RPL37: variants seen among roughly 807,000 people sequenced by gnomAD.
RPL37 encodes large ribosomal subunit protein eL37.
In RPL37, 1 loss-of-function variant was observed where a neutral mutation model predicts 14.8. That is an observed-to-expected ratio of 0.07 (90% CI 0.02 to 0.32). RPL37 has a LOEUF of 0.32. Ranked by LOEUF, RPL37 falls within the 10% of genes least tolerant of loss-of-function variation. RPL37 has a pLI of 1.00. For synonymous variants in RPL37, 53 were observed against 45.8 expected, an observed-to-expected ratio of 1.16 and a Z score of -0.63; for missense variants, 100 against 128.3, an observed-to-expected ratio of 0.78 and a Z score of 1.06.
At position 40,834,108 on chromosome 5, in the gene RPL37, T is replaced by C. The variant is rs750346428; in HGVS notation, c.224+73A>G. On this transcript the variant is annotated intron_variant, in intron 3 of 3. Transcript: ENST00000274242. ...CCCAGTAACCATCAGGGTACTGTTATCTTTTTACAAGTAAACACGAGGGTT... is the reference window on the plus strand; with the variant it reads ...CCCAGTAACCATCAGGGTACTGTTACCTTTTTACAAGTAAACACGAGGGTT... The C allele has an allele frequency of 2.7e-5, 28 of 1,054,070 alleles. No homozygotes were observed. The South Asian group carries it at 3.3e-4, about 12-fold the overall frequency. The allele number at this position is 1,054,070 out of a possible 1,614,324, so 65.3% of individuals were successfully genotyped here.
rs1342659152 is a variant in RPL37 at position 40,828,277 on chromosome 5, TAC to T, written c.*4225_*4226del. ...TATTACGCTCGTGGTATCCTTGTCT[TAC>T]ACACTTATCACTATCTGCAATTGTC... On this transcript the variant is annotated 3_prime_UTR_variant, in exon 4 of 4. Transcript: ENST00000274242. 4 of 152,248 alleles carry T rather than the reference TAC, an allele frequency of 2.6e-5. No homozygotes were observed. In the East Asian group the frequency reaches 5.8e-4, roughly 22 times the overall value. The allele number at this position is 152,248 out of a possible 1,614,324, so 9.4% of individuals were successfully genotyped here.
Position 40,829,883 on chromosome 5 carries a change from C to G in RPL37, c.*2621G>C, listed in dbSNP as rs965616644. On this transcript the variant is annotated 3_prime_UTR_variant, in exon 4 of 4. Coordinates refer to ENST00000274242, the MANE Select transcript of RPL37 (RefSeq NM_000997.5). Reference sequence around the variant, plus strand: ...AGAGACGGGGTTTCTCCATGTTGGTCAGGCTGGTCTCGAACTCCCCACCTC... The same window carrying G: ...AGAGACGGGGTTTCTCCATGTTGGTGAGGCTGGTCTCGAACTCCCCACCTC... 2 of 152,112 alleles carry G rather than the reference C, an allele frequency of 1.3e-5. No individual in the cohort carries two copies. The highest frequency in any genetic ancestry group is 4.8e-5 in the African/African-American group (2 of 41,380). The allele number at this position is 152,112 out of a possible 1,614,324, so 9.4% of individuals were successfully genotyped here.
Position 40,826,310 on chromosome 5 carries a change from T to C in RPL37, c.*6194A>G, listed in dbSNP as rs1240817783. 2.6e-5 allele frequency: 4 copies of C among 152,156 alleles called. No individual in the cohort carries two copies. The highest frequency in any genetic ancestry group is 5.9e-5 in the Non-Finnish European group (4 of 68,020). 9.4% of individuals were successfully genotyped at this position (152,156 alleles called of 1,614,324 possible). Reference sequence around the variant, plus strand: ...ACACACACACAACCCAAAGAAAACATATCCAAGAACGTGGTCAGTTTTCAG... The same window carrying C: ...ACACACACACAACCCAAAGAAAACACATCCAAGAACGTGGTCAGTTTTCAG... On this transcript the variant is annotated 3_prime_UTR_variant, in exon 4 of 4. Transcript: ENST00000274242.
chr5:40,831,018 G>A lies in RPL37; in HGVS notation c.*1486C>T, dbSNP rs1227880770. On this transcript the variant is annotated 3_prime_UTR_variant, in exon 4 of 4. Transcript: ENST00000274242. ...TCCTAGCACTTTGGGAGGCCGAGGC[G>A]GCGGATCACGAGGTCGAGTTCGAGA... The A allele has an allele frequency of 3.9e-5, 6 of 151,902 alleles. No individual in the cohort carries two copies. Among genetic ancestry groups the A allele is most frequent in the African/African-American group, 7.2e-5 (3 of 41,380 alleles). 9.4% of individuals were successfully genotyped at this position (151,902 alleles called of 1,614,324 possible).
In RPL37 at chr5:40,830,799, G is replaced by A. The variant is rs1023364219; in HGVS notation, c.*1705C>T. ...CGTGAGCCACCACACCGGCCTCAAG[G>A]GTTGTTTATATGGGGGTCAGGGTAC... On this transcript the variant is annotated 3_prime_UTR_variant, in exon 4 of 4. Coordinates refer to ENST00000274242, the MANE Select transcript of RPL37 (RefSeq NM_000997.5). The A allele has an allele frequency of 9.2e-5, 14 of 151,598 alleles. No homozygotes were observed. Among genetic ancestry groups the A allele is most frequent in the African/African-American group, 2.9e-4 (12 of 41,274 alleles). The allele number at this position is 151,598 out of a possible 1,614,324, so 9.4% of individuals were successfully genotyped here. A position where few individuals can be genotyped will look rare whatever the true frequency, so the allele number is the denominator to read the frequency against.
rs1745626166 is a variant in RPL37 at position 40,830,827 on chromosome 5, T to G, written c.*1677A>C. ...TGTTTATATGGGGGTCAGGGTACCT[T>G]CACTAGACTTAGACTTCTGAAGCCC... On this transcript the variant is annotated 3_prime_UTR_variant, in exon 4 of 4. Coordinates refer to ENST00000274242, the MANE Select transcript of RPL37 (RefSeq NM_000997.5). 6.6e-6 allele frequency: 1 copy of G among 151,914 alleles called. No individual in the cohort carries two copies. Among genetic ancestry groups the G allele is most frequent in the African/African-American group, 2.4e-5 (1 of 41,342 alleles). 9.4% of individuals were successfully genotyped at this position (151,914 alleles called of 1,614,324 possible).
rs769712387 is a variant in RPL37, at chr5:40,834,455, G to T, written c.139+16C>A. 6.2e-7 allele frequency: 1 copy of T among 1,608,836 alleles called. No individual in the cohort carries two copies. ...AAACAAAAGCTAACACAGTTGGCCTGAAAAATGTTACTTACACTTTCTCTT... is the reference window on the plus strand; with the variant it reads ...AAACAAAAGCTAACACAGTTGGCCTTAAAAATGTTACTTACACTTTCTCTT... On this transcript the variant is annotated intron_variant, in intron 2 of 3. Coordinates refer to ENST00000274242, the MANE Select transcript of RPL37 (RefSeq NM_000997.5).
Position 40,827,423 on chromosome 5 carries a change from T to C in RPL37, c.*5081A>G, listed in dbSNP as rs548600051. ...TTAAGATTACCTTCTGACGATTACATAGGACTGCACGTTTTACCTATTGAA... is the reference window on the plus strand; with the variant it reads ...TTAAGATTACCTTCTGACGATTACACAGGACTGCACGTTTTACCTATTGAA... On this transcript the variant is annotated 3_prime_UTR_variant, in exon 4 of 4. Coordinates refer to ENST00000274242, the MANE Select transcript of RPL37 (RefSeq NM_000997.5). The C allele has an allele frequency of 6.6e-6, 1 of 152,304 alleles. No homozygotes were observed. Among genetic ancestry groups the C allele is most frequent in the African/African-American group, 2.4e-5 (1 of 41,568 alleles). 9.4% of individuals were successfully genotyped at this position (152,304 alleles called of 1,614,324 possible). A position where few individuals can be genotyped will look rare whatever the true frequency, so the allele number is the denominator to read the frequency against.
rs1390205593 is a variant in RPL37 at position 40,832,416 on chromosome 5, A to C, written c.*88T>G. The C allele has an allele frequency of 2.7e-6, 3 of 1,100,596 alleles. No individual in the cohort carries two copies. Among genetic ancestry groups the C allele is most frequent in the Non-Finnish European group, 4.2e-6 (3 of 714,238 alleles). 68.2% of individuals were successfully genotyped at this position (1,100,596 alleles called of 1,614,324 possible). A position where few individuals can be genotyped will look rare whatever the true frequency, so the allele number is the denominator to read the frequency against. ...CCTACAGTATTTCACTGATACTACA[A>C]GCCTAATTGATTAAAAATACCTTAC... is the stretch of plus-strand genomic sequence containing the variant. On this transcript the variant is annotated 3_prime_UTR_variant, in exon 4 of 4. Transcript: ENST00000274242.
chr5:40,834,698 G>A lies in RPL37; in HGVS notation c.4-92C>T, dbSNP rs868324268. On this transcript the variant is annotated intron_variant, in intron 1 of 3. Coordinates refer to ENST00000274242, the MANE Select transcript of RPL37 (RefSeq NM_000997.5). The stretch of plus-strand genomic sequence containing the variant: ...AAACCAATTACTGATAAAATTTAAA[G>A]GCAATCGTAAAGATCGAAACTGCGG... 50 of 1,425,954 alleles carry A rather than the reference G, an allele frequency of 3.5e-5. No individual in the cohort carries two copies. In the Middle Eastern group the frequency reaches 5.5e-4, roughly 16 times the overall value. 88.3% of individuals were successfully genotyped at this position (1,425,954 alleles called of 1,614,324 possible).
Position 40,826,653 on chromosome 5 carries a change from T to C in RPL37, c.*5851A>G, listed in dbSNP as rs878906012. 6.6e-6 allele frequency: 1 copy of C among 152,230 alleles called. No individual in the cohort carries two copies. The highest frequency in any genetic ancestry group is 2.4e-5 in the African/African-American group (1 of 41,446). 9.4% of individuals were successfully genotyped at this position (152,230 alleles called of 1,614,324 possible). A position where few individuals can be genotyped will look rare whatever the true frequency, so the allele number is the denominator to read the frequency against. The stretch of plus-strand genomic sequence containing the variant: ...ATGCGATCTCCCTGAAATTGTTTTT[T>C]TCAGGCCAGGGATGTGAGAATGTTT... On this transcript the variant is annotated 3_prime_UTR_variant, in exon 4 of 4. Transcript: ENST00000274242.
At position 40,832,382 on chromosome 5, in the gene RPL37, G is replaced by T; in HGVS notation, c.*122C>A. ...GTAAATCTGATATGAAGCTAGCCCA[G>T]TCCCTAAACCTACAGTATTTCACTG... On this transcript the variant is annotated 3_prime_UTR_variant, in exon 4 of 4. Coordinates refer to ENST00000274242, the MANE Select transcript of RPL37 (RefSeq NM_000997.5). 2 of 849,856 alleles carry T rather than the reference G, an allele frequency of 2.4e-6. No homozygotes were observed. Among genetic ancestry groups the T allele is most frequent in the Non-Finnish European group, 4.1e-6 (2 of 491,308 alleles). 52.6% of individuals were successfully genotyped at this position (849,856 alleles called of 1,614,324 possible). A position where few individuals can be genotyped will look rare whatever the true frequency, so the allele number is the denominator to read the frequency against.
In RPL37 at chr5:40,834,141, A is replaced by G. The variant is rs374119875; in HGVS notation, c.224+40T>C. Reference sequence around the variant, plus strand: ...CAAGTAAACACGAGGGTTTCATTCAAGCCCACTGGACCAATTATGATCGAA... The same window carrying G: ...CAAGTAAACACGAGGGTTTCATTCAGGCCCACTGGACCAATTATGATCGAA... On this transcript the variant is annotated intron_variant, in intron 3 of 3. Coordinates refer to ENST00000274242, the MANE Select transcript of RPL37 (RefSeq NM_000997.5). 2.9e-5 allele frequency: 40 copies of G among 1,380,354 alleles called. No homozygotes were observed. In the African/African-American group the frequency reaches 5.6e-4, roughly 19 times the overall value. 85.5% of individuals were successfully genotyped at this position (1,380,354 alleles called of 1,614,324 possible). A position where few individuals can be genotyped will look rare whatever the true frequency, so the allele number is the denominator to read the frequency against.
chr5:40,833,336 C>T (rs1340870666), intron 3 of RPL37, among the ~76,000 whole-genome samples: 2 of 152,198 alleles, frequency 1.3e-5, no homozygotes, highest in Non-Finnish European at 2.9e-5. Flanking sequence ...GTATCAATAG[C>T]TGAGAATTGC....
Position 40,827,688 on chromosome 5 carries a change from C to T in RPL37, c.*4816G>A, listed in dbSNP as rs1211909758. ...ATTGCAACTTTTCTTGTCAAAACATCCTTCTACTTACAAGGAAGATTTTGC... is the reference window on the plus strand; with the variant it reads ...ATTGCAACTTTTCTTGTCAAAACATTCTTCTACTTACAAGGAAGATTTTGC... On this transcript the variant is annotated 3_prime_UTR_variant, in exon 4 of 4. Coordinates refer to ENST00000274242, the MANE Select transcript of RPL37 (RefSeq NM_000997.5). 3 of 151,956 alleles carry T rather than the reference C, an allele frequency of 2.0e-5. No individual in the cohort carries two copies. The highest frequency in any genetic ancestry group is 2.9e-5 in the Non-Finnish European group (2 of 68,004). The allele number at this position is 151,956 out of a possible 1,614,324, so 9.4% of individuals were successfully genotyped here.
chr5:40,829,854 T>C lies in RPL37; in HGVS notation c.*2650A>G, dbSNP rs781023285. The C allele has an allele frequency of 1.3e-5, 2 of 152,130 alleles. No homozygotes were observed. The highest frequency in any genetic ancestry group is 2.9e-5 in the Non-Finnish European group (2 of 68,048). The allele number at this position is 152,130 out of a possible 1,614,324, so 9.4% of individuals were successfully genotyped here. On this transcript the variant is annotated 3_prime_UTR_variant, in exon 4 of 4. Coordinates refer to ENST00000274242, the MANE Select transcript of RPL37 (RefSeq NM_000997.5). ...CGCCCGGCTAATATTTTTGTATTTT[T>C]AGTAGAGACGGGGTTTCTCCATGTT... is the stretch of plus-strand genomic sequence containing the variant.
rs988499158 is a variant in RPL37, at chr5:40,835,180, C to A, written c.3+3G>T. 1.2e-6 allele frequency: 2 copies of A among 1,614,128 alleles called. No individual in the cohort carries two copies. Among genetic ancestry groups the A allele is most frequent in the African/African-American group, 2.7e-5 (2 of 75,050 alleles). ...ATTCACAAACACCACAGTCACAACTCACCATCTCGCTTCTGCGGCCGAGAC... is the reference window on the plus strand; with the variant it reads ...ATTCACAAACACCACAGTCACAACTAACCATCTCGCTTCTGCGGCCGAGAC... On this transcript the variant is annotated splice_donor_region_variant and intron_variant, in intron 1 of 3. Coordinates refer to ENST00000274242, the MANE Select transcript of RPL37 (RefSeq NM_000997.5).
intron 3 of RPL37, 133 bp from the exon 4 acceptor site, chr5:40,832,706 C>G (rs767550405): frequency 5.1e-6 from 4 of 785,852 alleles, no homozygotes; most frequent in South Asian, 4.1e-5. Flanking sequence ...TATGTTCAGA[C>G]ATTTATTTTT....
rs1177687746 is a variant in RPL37, at chr5:40,830,620, T to G, written c.*1884A>C. The G allele has an allele frequency of 6.6e-6, 1 of 152,602 alleles. No homozygotes were observed. Among genetic ancestry groups the G allele is most frequent in the African/African-American group, 2.4e-5 (1 of 41,224 alleles). 9.5% of individuals were successfully genotyped at this position (152,602 alleles called of 1,614,324 possible). On this transcript the variant is annotated 3_prime_UTR_variant, in exon 4 of 4. Coordinates refer to ENST00000274242, the MANE Select transcript of RPL37 (RefSeq NM_000997.5). The stretch of plus-strand genomic sequence containing the variant: ...CAAGCGATTCTCCTGCCTCAGCCTC[T>G]CAAGTAGCTAAGACTACAGGCACAT...
Sources: gnomAD v4.1 joint callset for allele counts (sites outside exome capture counted in the v4.1 genomes callset) on GRCh38, gnomAD v4.1.1 for gene constraint, MANE v1.5 for transcripts, NCBI Gene and HGNC (gene_info 2026-07-23, HGNC 2026-07-21) for gene names.